KDM1B: variants seen among roughly 807,000 people sequenced by gnomAD.
KDM1B encodes lysine-specific histone demethylase 2.
A neutral mutation model predicts 107.4 loss-of-function variants in KDM1B; 63 were observed. That is an observed-to-expected ratio of 0.59 (90% CI 0.48 to 0.72). The LOEUF is 0.72. Ranked by LOEUF, KDM1B falls within the 30% of genes least tolerant of loss-of-function variation. KDM1B has a pLI of 0.00. For synonymous variants in KDM1B, 363 were observed against 363.9 expected, an observed-to-expected ratio of 1.00 and a Z score of 0.03; for missense variants, 749 against 1,020.8, an observed-to-expected ratio of 0.73 and a Z score of 3.63.
intron 7 of KDM1B, among the ~76,000 whole-genome samples, chr6:18,184,081 GGAAAGTAACA>G (rs1234318193): frequency 6.6e-6 from 1 of 151,940 alleles, no homozygotes; most frequent in Non-Finnish European, 1.5e-5. Context: ...CTGGCTCCCA[GGAAAGTAACA>G]GAACACACAC....
At chr6:18,165,128 ATTTTTTT>A (rs35906579) in intron 5 of KDM1B, among the ~76,000 whole-genome samples, 4 of 81,566 alleles carry the variant, frequency 4.9e-5, no homozygotes, top group African/African-American at 9.7e-5. Flanking sequence ...GCCTTCTCTG[ATTTTTTT>A]TTTTTTTTTT....
chr6:18,208,620 TATATATA>T (rs201853880), intron 17 of KDM1B, among the ~76,000 whole-genome samples: 12 of 41,056 alleles, frequency 2.9e-4, no homozygotes, highest in South Asian at 1.2e-3. Flanking sequence ...TATATATATA[TATATATA>T]TTTTTTTTTT....
intron 10 of KDM1B, among the ~76,000 whole-genome samples, chr6:18,195,612 G>A (rs1787591012): frequency 6.6e-6 from 1 of 151,642 alleles, no homozygotes; most frequent in Non-Finnish European, 1.5e-5. Context: ...GTAGGCGCCT[G>A]TAGTCCCAGC....
In KDM1B at chr6:18,205,912, A is replaced by AG. The variant is rs1375504457; in HGVS notation, c.1659+248_1659+249insG. Among the ~76,000 whole-genome samples the AG allele has an allele frequency of 1.3e-5, 2 of 152,076 alleles. No homozygotes were observed. Among genetic ancestry groups the AG allele is most frequent in the Non-Finnish European group, 2.9e-5 (2 of 68,000 alleles). ...GAGGCTGAGGCAGGGGAATCGCTTGAACCTGGGAGGCGGAAGTCGTAGTGA... is the reference window on the plus strand; with the variant it reads ...GAGGCTGAGGCAGGGGAATCGCTTGAGACCTGGGAGGCGGAAGTCGTAGTGA... On this transcript the variant is annotated intron_variant, in intron 15 of 21. Coordinates refer to ENST00000650836, the MANE Select transcript of KDM1B (RefSeq NM_001364614.2). This position sits in a 1 kb window ranked among gnomAD's most constrained non-coding sequence, Gnocchi z 5.7.
At chr6:18,182,377 T>C (rs146248588) in intron 7 of KDM1B, among the ~76,000 whole-genome samples, 46 of 152,266 alleles carry the variant, frequency 3.0e-4, no homozygotes, top group African/African-American at 1.1e-3. Flanking sequence ...CGTGGTATGC[T>C]GTTAAGGAGA....
intron 8 of KDM1B, 140 bp from the exon 9 acceptor site, chr6:18,187,652 A>G (rs540064169): frequency 1.8e-4 from 99 of 555,182 alleles, no homozygotes; most frequent in African/African-American, 1.7e-3. Flanking sequence ...GCTCTGGAAT[A>G]GAATTGTTAA....
rs771268513 is a variant in KDM1B at position 18,166,320 on chromosome 6, A to G, written c.359A>G (p.Asn120Ser). The G allele has an allele frequency of 6.2e-7, 1 of 1,613,566 alleles. No individual in the cohort carries two copies. ...YTTWKKIWTS[N>S]GKTEPSPKAF... ...ACATGGAAAAAAATATGGACTAGCAATGGCAAAACCGAACCTAGTCCCAAA... is the reference window on the plus strand; with the variant it reads ...ACATGGAAAAAAATATGGACTAGCAGTGGCAAAACCGAACCTAGTCCCAAA... The change falls in exon 6 of 22, where the codon AAT (asparagine) becomes AGT (serine). Residue 120 changes from asparagine to serine, a missense_variant. Coordinates refer to ENST00000650836, the MANE Select transcript of KDM1B (RefSeq NM_001364614.2).
chr6:18,184,553 G>A (rs1055812676), intron 7 of KDM1B, among the ~76,000 whole-genome samples: 2 of 151,826 alleles, frequency 1.3e-5, no homozygotes, highest in Non-Finnish European at 2.9e-5. Flanking sequence ...GGGATTACAG[G>A]TGTGAGCCAC....
At chr6:18,185,938 A>G (rs981550827) in intron 8 of KDM1B, 128 bp downstream of exon 8, 1 of 824,220 alleles carries the variant, frequency 1.2e-6, no homozygotes, top group East Asian at 2.4e-5. Flanking sequence ...TTTTTAATCT[A>G]ACATGGTAAC....
In KDM1B at chr6:18,191,416, A is replaced by G. The variant is rs1787277510; in HGVS notation, c.969+35A>G. 3 of 1,523,150 alleles carry G rather than the reference A, an allele frequency of 2.0e-6. No individual in the cohort carries two copies. The highest frequency in any genetic ancestry group is 1.7e-4 in the Middle Eastern group (1 of 5,856). 94.4% of individuals were successfully genotyped at this position (1,523,150 alleles called of 1,614,324 possible). A position where few individuals can be genotyped will look rare whatever the true frequency, so the allele number is the denominator to read the frequency against. On this transcript the variant is annotated intron_variant, in intron 10 of 21. Coordinates refer to ENST00000650836, the MANE Select transcript of KDM1B (RefSeq NM_001364614.2). This position sits in a 1 kb window ranked among gnomAD's most constrained non-coding sequence, Gnocchi z 5.1. ...GGCATGTTAGCCAATAGCACTGGAC[A>G]GAGGAGGACCATGTTGAAAAGGAGG...
rs974066519 is a variant in KDM1B at position 18,214,766 on chromosome 6, C to T, written c.2110-241C>T. ...CTCTACTAAAAATACAAAAGTTAGC[C>T]GGGCATGGTGGCAGACGCCTGTAAT... On this transcript the variant is annotated intron_variant, in intron 19 of 21. Coordinates refer to ENST00000650836, the MANE Select transcript of KDM1B (RefSeq NM_001364614.2). The surrounding 1 kb of genome is among the most constrained non-coding windows in gnomAD (Gnocchi z 4.4). Among the ~76,000 whole-genome samples, 3 of 152,030 alleles carry T rather than the reference C, an allele frequency of 2.0e-5. No individual in the cohort carries two copies. Among genetic ancestry groups the T allele is most frequent in the African/African-American group, 4.8e-5 (2 of 41,382 alleles).
At position 18,209,487 on chromosome 6, in the gene KDM1B, C is replaced by T. The variant is rs1788665797; in HGVS notation, c.1866+1281C>T. Among the ~76,000 whole-genome samples, 1 of 152,180 alleles carries T rather than the reference C, an allele frequency of 6.6e-6. No individual in the cohort carries two copies. The highest frequency in any genetic ancestry group is 2.1e-4 in the South Asian group (1 of 4,836). ...TCCTAACATTATTCCTGCCATTAACCAACTCGGAGATCTTGGGCAGCAATC... is the reference window on the plus strand; with the variant it reads ...TCCTAACATTATTCCTGCCATTAACTAACTCGGAGATCTTGGGCAGCAATC... On this transcript the variant is annotated intron_variant, in intron 17 of 21. Transcript: ENST00000650836. The surrounding 1 kb of genome is among the most constrained non-coding windows in gnomAD (Gnocchi z 4.3).
At chr6:18,196,208 A>G (rs1787640263) in intron 10 of KDM1B, among the ~76,000 whole-genome samples, 1 of 152,196 alleles carries the variant, frequency 6.6e-6, no homozygotes, top group African/African-American at 2.4e-5. Flanking sequence ...GTGTGGATAT[A>G]GCACATTTTC....
intron 7 of KDM1B, among the ~76,000 whole-genome samples, chr6:18,174,028 C>G (rs1338657010): frequency 1.3e-5 from 2 of 152,198 alleles, no homozygotes; most frequent in African/African-American, 4.8e-5. Context: ...TCGTGATCCA[C>G]CTGCCTTGGC....
In KDM1B at chr6:18,222,081, A is replaced by G. The variant is rs1457068187; in HGVS notation, c.*89A>G. ...CTCAGTTTTATAAGAGGGGGAAAAA[A>G]CCGTCTCTACATAGTAAAACTGAAA... On this transcript the variant is annotated 3_prime_UTR_variant, in exon 22 of 22. Transcript: ENST00000650836. The G allele has an allele frequency of 8.8e-6, 10 of 1,132,736 alleles. No individual in the cohort carries two copies. Among genetic ancestry groups the G allele is most frequent in the Admixed American group, 8.5e-5 (5 of 58,954 alleles). The allele number at this position is 1,132,736 out of a possible 1,614,324, so 70.2% of individuals were successfully genotyped here. A position where few individuals can be genotyped will look rare whatever the true frequency, so the allele number is the denominator to read the frequency against.
At chr6:18,210,369 T>G (rs1582203797) in intron 17 of KDM1B, among the ~76,000 whole-genome samples, 1 of 103,148 alleles carries the variant, frequency 9.7e-6, no homozygotes, top group Non-Finnish European at 2.1e-5. Flanking sequence ...TTTTTTTTTT[T>G]TTTGTTTTAC....
At chr6:18,181,143 A>G (rs12665749) in intron 7 of KDM1B, among the ~76,000 whole-genome samples, 19,426 of 152,206 alleles carry the variant, frequency 0.13, 1,318 homozygotes, top group South Asian at 0.19. Flanking sequence ...TTCCAGCAAT[A>G]TAGAAAAGAA....
Position 18,212,452 on chromosome 6 carries a change from G to A in KDM1B, c.1867-36G>A, listed in dbSNP as rs745779869. The A allele has an allele frequency of 1.7e-5, 21 of 1,227,054 alleles. No homozygotes were observed. The highest frequency in any genetic ancestry group is 2.4e-5 in the Non-Finnish European group (20 of 826,982). The allele number at this position is 1,227,054 out of a possible 1,614,324, so 76.0% of individuals were successfully genotyped here. On this transcript the variant is annotated intron_variant, in intron 17 of 21. Transcript: ENST00000650836. This position sits in a 1 kb window ranked among gnomAD's most constrained non-coding sequence, Gnocchi z 5.2. ...TGTAGTGGTAGTGTGAGGTTCTGTT[G>A]CTGTTTGTTTGTTAACTGTTAATTA...
chr6:18,167,944 T>C (rs952500001), intron 6 of KDM1B, among the ~76,000 whole-genome samples: 1 of 151,476 alleles, frequency 6.6e-6, no homozygotes, highest in African/African-American at 2.4e-5. Flanking sequence ...TAATTCTTTA[T>C]AGAGACAGGA....
Sources: gnomAD v4.1 joint callset for allele counts (sites outside exome capture counted in the v4.1 genomes callset) on GRCh38, gnomAD v4.1.1 for gene constraint, Gnocchi (gnomAD v3.1) non-coding constraint, MANE v1.5 for transcripts, NCBI Gene and HGNC (gene_info 2026-07-23, HGNC 2026-07-21) for gene names.